Variants in IL1RAPL1 observed in about 807,000 individuals in gnomAD.
The protein encoded by IL1RAPL1 is interleukin 1 receptor accessory protein like 1, also known as interleukin-1 receptor accessory protein-like 1.
A neutral mutation model predicts 48.4 loss-of-function variants in IL1RAPL1; 3 were observed. The observed-to-expected ratio is 0.06, with a 90% CI of 0.03 to 0.16. IL1RAPL1 has a LOEUF of 0.16. Ranked by LOEUF, IL1RAPL1 falls within the 10% of genes least tolerant of loss-of-function variation. The probability of loss-of-function intolerance (pLI) is 1.00; values close to 1 mark genes in which losing one functional copy is unlikely to be tolerated. For synonymous variants in IL1RAPL1, 185 were observed against 187.7 expected (o/e 0.99, Z 0.12); for missense variants, 349 against 530.6 (o/e 0.66, Z 3.36).
chrX:29,116,320 A>G lies in IL1RAPL1; in HGVS notation c.83-166618A>G, dbSNP rs773457406. Among the ~76,000 whole-genome samples, 3 of 110,653 alleles carry G rather than the reference A, an allele frequency of 2.7e-5. No individual in the cohort carries two copies. In the South Asian group the frequency reaches 1.1e-3, roughly 42 times the overall value. On this transcript the variant is annotated intron_variant, in intron 2 of 10. Coordinates refer to ENST00000378993, the MANE Select transcript of IL1RAPL1 (RefSeq NM_014271.4). Reference sequence around the variant, plus strand: ...GATGCAGTCAAAAAAGAATGGAGGGAGGAGGAGATGATAAGTAGAAACACA... The same window carrying G: ...GATGCAGTCAAAAAAGAATGGAGGGGGGAGGAGATGATAAGTAGAAACACA...
intron 6 of IL1RAPL1, among the ~76,000 whole-genome samples, chrX:29,884,588 T>TATC (rs1277314742): frequency 1.8e-5 from 2 of 111,630 alleles, no homozygotes; most frequent in African/African-American, 6.5e-5. Flanking sequence ...GAGCTCATCC[T>TATC]ATCTATATGC....
At chrX:29,159,653 A>G (rs1784895687) in intron 2 of IL1RAPL1, among the ~76,000 whole-genome samples, 1 of 112,137 alleles carries the variant, frequency 8.9e-6, no homozygotes, top group Non-Finnish European at 1.9e-5. Flanking sequence ...TCAGATTTAC[A>G]TGTCAAGTTC....
At chrX:28,606,287 G>A (rs1264777024) in intron 1 of IL1RAPL1, among the ~76,000 whole-genome samples, 1 of 112,053 alleles carries the variant, frequency 8.9e-6, no homozygotes, top group Non-Finnish European at 1.9e-5. Flanking sequence ...AATGCAGTTA[G>A]AGCATTTTTT....
At chrX:29,943,483 AAAT>A (rs1933166904) in intron 9 of IL1RAPL1, among the ~76,000 whole-genome samples, 1 of 112,229 alleles carries the variant, frequency 8.9e-6, no homozygotes, top group African/African-American at 3.2e-5. Context: ...TGGGATTTGA[AAAT>A]AAGTCTATTC....
intron 2 of IL1RAPL1, among the ~76,000 whole-genome samples, chrX:28,973,748 A>G (rs1055769248): frequency 1.8e-5 from 2 of 112,286 alleles, no homozygotes; most frequent in East Asian, 2.8e-4. Context: ...GTCTTTCCAC[A>G]TACTGATGTA....
intron 2 of IL1RAPL1, among the ~76,000 whole-genome samples, chrX:28,951,413 T>A (rs866191661): frequency 3.3e-5 from 3 of 90,577 alleles, no homozygotes; most frequent in African/African-American, 4.0e-5. Flanking sequence ...TGATAAATGG[T>A]AAAAAAAAAA....
intron 2 of IL1RAPL1, among the ~76,000 whole-genome samples, chrX:28,968,763 A>G (rs1924983329): frequency 8.9e-6 from 1 of 112,868 alleles, no homozygotes; most frequent in African/African-American, 3.2e-5. Context: ...ATACTCACAT[A>G]TGTGCACATT....
intron 2 of IL1RAPL1, among the ~76,000 whole-genome samples, chrX:28,958,914 A>G (rs915401768): frequency 2.7e-5 from 3 of 111,796 alleles, no homozygotes; most frequent in Non-Finnish European, 5.6e-5. Flanking sequence ...TTTTCTAAGT[A>G]ATTAGATGGG....
intron 2 of IL1RAPL1, among the ~76,000 whole-genome samples, chrX:29,136,422 C>T (rs1321391140): frequency 5.4e-5 from 6 of 111,840 alleles, no homozygotes; most frequent in East Asian, 5.6e-4. Flanking sequence ...CTAACACTCC[C>T]GGCTGCATTT....
intron 2 of IL1RAPL1, among the ~76,000 whole-genome samples, chrX:29,238,445 G>A (rs1262363668): frequency 9.0e-6 from 1 of 111,134 alleles, no homozygotes; most frequent in Non-Finnish European, 1.9e-5. Flanking sequence ...TTATAATTCT[G>A]GCTCCATATA....
At chrX:28,779,860 A>T (rs944389258) in intron 1 of IL1RAPL1, among the ~76,000 whole-genome samples, 1 of 108,301 alleles carries the variant, frequency 9.2e-6, no homozygotes, top group Non-Finnish European at 1.9e-5. Flanking sequence ...AAGATATAAA[A>T]TGAACTTTTG....
At chrX:29,584,780 C>T (rs1357131336) in intron 5 of IL1RAPL1, among the ~76,000 whole-genome samples, 2 of 111,675 alleles carry the variant, frequency 1.8e-5, no homozygotes, top group African/African-American at 6.5e-5. Context: ...GTCTTGGCTC[C>T]TGGACTCAAG....
At chrX:28,845,427 T>C (rs905516159) in intron 2 of IL1RAPL1, among the ~76,000 whole-genome samples, 1 of 111,928 alleles carries the variant, frequency 8.9e-6, no homozygotes, top group African/African-American at 3.2e-5. Flanking sequence ...TCTCTCCTTA[T>C]ATGATTTAAA....
rs749017680 is a variant in IL1RAPL1 at position 29,315,202 on chromosome X, G to T, written c.362+31985G>T. ...GAAATCCATGTGATTTCACCTAAAG[G>T]GTCAGATGGATCAGCAGAAGATGAG... On this transcript the variant is annotated intron_variant, in intron 3 of 10. Coordinates refer to ENST00000378993, the MANE Select transcript of IL1RAPL1 (RefSeq NM_014271.4). 2.2e-4 allele frequency among the ~76,000 whole-genome samples: 25 copies of T among 111,658 alleles called. No homozygotes were observed. The Admixed American group carries it at 2.3e-3, about 10-fold the overall frequency.
intron 6 of IL1RAPL1, among the ~76,000 whole-genome samples, chrX:29,780,998 T>TA (rs199642690): frequency 1.8e-4 from 20 of 110,843 alleles, no homozygotes; most frequent in Non-Finnish European, 1.9e-5. Context: ...TACCATGAAT[T>TA]AAAAAAACCC....
intron 2 of IL1RAPL1, among the ~76,000 whole-genome samples, chrX:29,107,056 T>C (rs893898792): frequency 2.7e-5 from 3 of 112,052 alleles, no homozygotes; most frequent in African/African-American, 9.7e-5. Flanking sequence ...ATATATTCTT[T>C]TATGTAAAAT....
intron 1 of IL1RAPL1, among the ~76,000 whole-genome samples, chrX:28,602,577 G>C (rs1018584508): frequency 8.9e-6 from 1 of 112,146 alleles, no homozygotes; most frequent in Non-Finnish European, 1.9e-5. Flanking sequence ...TGCAAGTTAA[G>C]AGTTACTATT....
intron 6 of IL1RAPL1, among the ~76,000 whole-genome samples, chrX:29,739,153 C>T (rs1397909521): frequency 8.9e-6 from 1 of 112,316 alleles, no homozygotes; most frequent in Admixed American, 9.4e-5. Flanking sequence ...ACATAAAGTG[C>T]CCGGCTCAGT....
intron 1 of IL1RAPL1, among the ~76,000 whole-genome samples, chrX:28,750,638 C>T (rs1027908275): frequency 8.1e-5 from 9 of 111,781 alleles, no homozygotes; most frequent in Non-Finnish European, 1.5e-4. Context: ...TGAGTCATTT[C>T]TATACACTTA....
Sources: allele counts gnomAD v4.1 joint callset (sites outside exome capture counted in the v4.1 genomes callset), GRCh38; gene constraint gnomAD v4.1.1; transcripts MANE v1.5; gene names NCBI Gene and HGNC (gene_info 2026-07-23, HGNC 2026-07-21).